The following PARP3 variants were observed in gnomAD, a reference collection of about 807,000 sequenced individuals.
PARP3 encodes poly(ADP-ribose) polymerase family member 3, also known as protein mono-ADP-ribosyltransferase PARP3.
PARP3 carries 46 observed loss-of-function variants against 58.2 expected under a neutral mutation model. That is an observed-to-expected ratio of 0.79 (90% confidence interval 0.62 to 1.01). The LOEUF is 1.01. Among genes scored for constraint, PARP3 ranks in the 50% least tolerant of loss-of-function variants. The probability of loss-of-function intolerance (pLI) is 0.00; values close to 1 mark genes in which losing one functional copy is unlikely to be tolerated. For synonymous variants in PARP3, 252 were observed against 266.4 expected, an observed-to-expected ratio of 0.95 and a Z score of 0.53; for missense variants, 663 against 683.9, an observed-to-expected ratio of 0.97 and a Z score of 0.34.
At position 51,947,780 on chromosome 3, in the gene PARP3, G is replaced by A; in HGVS notation, c.1317G>A (p.Met439Ile). 2 of 1,614,186 alleles carry A rather than the reference G, an allele frequency of 1.2e-6. No individual in the cohort carries two copies. Among genetic ancestry groups the A allele is most frequent in the Non-Finnish European group, 1.7e-6 (2 of 1,180,010 alleles). ...GTGGGGCCCACCATGTCGGCTACAT[G>A]TTCCTGGGTGAGGTGGCCCTGGGCA... Reference protein sequence around the residue: ...MKCGAHHVGYMFLGEVALGRE... With the variant: ...MKCGAHHVGYIFLGEVALGRE... The change falls in exon 10 of 11, where the codon ATG (methionine) becomes ATA (isoleucine). Residue 439 changes from methionine (M) to isoleucine (I), a missense_variant. This residue lies in a region of PARP3 where 8 missense variants were observed against 21.3 expected (regional missense o/e 0.38). Coordinates refer to ENST00000398755, the MANE Select transcript of PARP3 (RefSeq NM_001003931.4).
In PARP3 at chr3:51,943,457, G is replaced by C. The variant is rs1553715940; in HGVS notation, c.102G>C (p.Glu34Asp). The change falls in exon 2 of 11, where the codon GAG (glutamate) becomes GAC (aspartate). Residue 34 changes from glutamate (E) to aspartate (D), a missense_variant. Physicochemically the swap from Glu to Asp is conservative, Grantham distance 45 (BLOSUM62 2). Coordinates refer to ENST00000398755, the MANE Select transcript of PARP3 (RefSeq NM_001003931.4). ...REEDPFRSTA[E>D]ALKAIPAEKR... ...AGGACCCCTTCCGCTCCACCGCTGA[G>C]GCCCTCAAGGCCATACCCGCAGAGA... The C allele has an allele frequency of 2.5e-6, 4 of 1,609,666 alleles. No homozygotes were observed. In the Admixed American group the frequency reaches 6.7e-5, roughly 27 times the overall value.
At position 51,946,313 on chromosome 3, in the gene PARP3, G is replaced by T; in HGVS notation, c.1246G>T (p.Ala416Ser). The part of the protein sequence containing the change: ...GGRVGKGIYF[A>S]SENSKSAGYV... ...GCGTGTTGGCAAGGGCATCTACTTT[G>T]CCTCAGAGAACAGCAAGTCAGCTGG... The change falls in exon 9 of 11, where the codon GCC (alanine) becomes TCC (serine). Residue 416 changes from alanine to serine, a missense_variant. This residue lies in a region of PARP3 where 567 missense variants were observed against 553.6 expected (regional missense o/e 1.02). Coordinates refer to ENST00000398755, the MANE Select transcript of PARP3 (RefSeq NM_001003931.4). This position sits in a 1 kb window ranked among gnomAD's most constrained non-coding sequence, Gnocchi z 4.6. 2 of 1,611,712 alleles carry T rather than the reference G, an allele frequency of 1.2e-6. No individual in the cohort carries two copies. The highest frequency in any genetic ancestry group is 1.7e-6 in the Non-Finnish European group (2 of 1,178,726).
In PARP3 at chr3:51,946,411, C is replaced by T; in HGVS notation, c.1276+68C>T. 7.8e-7 allele frequency: 1 copy of T among 1,286,968 alleles called. No individual in the cohort carries two copies. Among genetic ancestry groups the T allele is most frequent in the Admixed American group, 2.3e-5 (1 of 42,838 alleles). The allele number at this position is 1,286,968 out of a possible 1,614,324, so 79.7% of individuals were successfully genotyped here. A position where few individuals can be genotyped will look rare whatever the true frequency, so the allele number is the denominator to read the frequency against. The stretch of plus-strand genomic sequence containing the variant: ...AAGATGGATTGGGCCCAGTCCTTGG[C>T]CACTGGAAATTCATGGTGAATCCAA... On this transcript the variant is annotated intron_variant, in intron 9 of 10. Transcript: ENST00000398755. This position sits in a 1 kb window ranked among gnomAD's most constrained non-coding sequence, Gnocchi z 4.6.
Position 51,946,101 on chromosome 3 carries a change from A to C in PARP3, c.1099-65A>C. 1.4e-6 allele frequency: 2 copies of C among 1,469,444 alleles called. No homozygotes were observed. The highest frequency in any genetic ancestry group is 2.5e-5 in the South Asian group (2 of 80,214). The allele number at this position is 1,469,444 out of a possible 1,614,324, so 91.0% of individuals were successfully genotyped here. A position where few individuals can be genotyped will look rare whatever the true frequency, so the allele number is the denominator to read the frequency against. On this transcript the variant is annotated intron_variant, in intron 8 of 10. Transcript: ENST00000398755. This position sits in a 1 kb window ranked among gnomAD's most constrained non-coding sequence, Gnocchi z 4.6. Reference sequence around the variant, plus strand: ...GGGACACTAGGCCTTGGTCACAAGCAGCAGGGCAAGGCGACTGAGTGCTCG... The same window carrying C: ...GGGACACTAGGCCTTGGTCACAAGCCGCAGGGCAAGGCGACTGAGTGCTCG...
In PARP3 at chr3:51,942,853, T is replaced by C. The variant is rs1022006961; in HGVS notation, c.-3+145T>C. On this transcript the variant is annotated intron_variant, in intron 1 of 10. Transcript: ENST00000398755. ...CCATTGGGAAGGGCTTCTACAGCTCTGGGTTCTAAGCTCCGGGAGGATAAT... is the reference window on the plus strand; with the variant it reads ...CCATTGGGAAGGGCTTCTACAGCTCCGGGTTCTAAGCTCCGGGAGGATAAT... 9 of 1,450,208 alleles carry C rather than the reference T, an allele frequency of 6.2e-6. No homozygotes were observed. In the African/African-American group the frequency reaches 1.1e-4, roughly 19 times the overall value. The allele number at this position is 1,450,208 out of a possible 1,614,324, so 89.8% of individuals were successfully genotyped here.
In PARP3 at chr3:51,945,058, C is replaced by T. The variant is rs1490568612; in HGVS notation, c.695C>T (p.Ala232Val). 1 of 1,613,096 alleles carries T rather than the reference C, an allele frequency of 6.2e-7. No individual in the cohort carries two copies. The highest frequency in any genetic ancestry group is 1.7e-5 in the Admixed American group (1 of 60,024). ...SKQQIARGFEALEALEEALKG... is the reference protein window; with the variant it reads ...SKQQIARGFEVLEALEEALKG... Reference sequence around the variant, plus strand: ...CAACAGATTGCACGGGGTTTCGAGGCCTTGGAGGCGCTGGAGGAGGCCCTG... The same window carrying T: ...CAACAGATTGCACGGGGTTTCGAGGTCTTGGAGGCGCTGGAGGAGGCCCTG... Residue 232 changes from alanine (A) to valine (V), a missense_variant, in exon 6 of 11, where the codon GCC becomes GTC. Transcript: ENST00000398755.
chr3:51,947,565 C>A, intron 9 of PARP3, 175 bp from the exon 10 acceptor site: 1 of 658,412 alleles, frequency 1.5e-6, no homozygotes, highest in Non-Finnish European at 2.6e-6. Context: ...ATAGGGAGCA[C>A]AGTGAGGTGG....
At chr3:51,948,182 G>A (rs1699724887) in intron 10 of PARP3, 129 bp from the exon 11 acceptor site, 1 of 982,656 alleles carries the variant, frequency 1.0e-6, no homozygotes, top group Non-Finnish European at 1.5e-6. Context: ...CAGTGGTTTG[G>A]AGGTGGGCAA....
Position 51,944,743 on chromosome 3 carries a change from C to G in PARP3, c.502-35C>G. ...CTCTGTCTGGTGTCACGCCCTGCCC[C>G]GCTGCTCCTGCCCACATGTGCCCTC... On this transcript the variant is annotated intron_variant, in intron 4 of 10. Transcript: ENST00000398755. The surrounding 1 kb of genome is among the most constrained non-coding windows in gnomAD (Gnocchi z 4.2). 1 of 1,588,806 alleles carries G rather than the reference C, an allele frequency of 6.3e-7. No individual in the cohort carries two copies. The highest frequency in any genetic ancestry group is 2.3e-5 in the East Asian group (1 of 43,800).
rs1215682801 is a variant in PARP3, at chr3:51,946,664, C to T, written c.1276+321C>T. Among the ~76,000 whole-genome samples, 5 of 152,152 alleles carry T rather than the reference C, an allele frequency of 3.3e-5. No homozygotes were observed. The highest frequency in any genetic ancestry group is 7.3e-5 in the Non-Finnish European group (5 of 68,032). On this transcript the variant is annotated intron_variant, in intron 9 of 10. Coordinates refer to ENST00000398755, the MANE Select transcript of PARP3 (RefSeq NM_001003931.4). The surrounding 1 kb of genome is among the most constrained non-coding windows in gnomAD (Gnocchi z 4.6). ...GTTCCATCTACTCTGGAGGCTGAGG[C>T]AGGAGGAACGCTTGAGCCCACAAGT...
rs757453925 is a variant in PARP3 at position 51,943,530 on chromosome 3, G to A, written c.175G>A (p.Gly59Arg). The A allele has an allele frequency of 6.8e-6, 11 of 1,608,736 alleles. No individual in the cohort carries two copies. Among genetic ancestry groups the A allele is most frequent in the South Asian group, 2.2e-5 (2 of 90,160 alleles). ...DPTCPLSSNP[G>R]TQVYEDYNCT... ...AACATGTCCACTCAGCAGCAACCCC[G>A]GGACCCAGGTGAGCTGCAGTCCCCA... Residue 59 changes from glycine to arginine, a missense_variant, in exon 2 of 11, where the codon GGG (glycine) becomes AGG (arginine). Gly to Arg is a moderately radical substitution (Grantham distance 125). Coordinates refer to ENST00000398755, the MANE Select transcript of PARP3 (RefSeq NM_001003931.4).
chr3:51,944,264 G>A lies in PARP3; in HGVS notation c.312+47G>A. 3.1e-6 allele frequency: 5 copies of A among 1,612,382 alleles called. No homozygotes were observed. Among genetic ancestry groups the A allele is most frequent in the Non-Finnish European group, 4.2e-6 (5 of 1,179,066 alleles). ...CACATACTCCCCAGGGTCCTCAAAA[G>A]GCCACAGCTACTGACTTGGGGGGGC... On this transcript the variant is annotated intron_variant, in intron 3 of 10. Coordinates refer to ENST00000398755, the MANE Select transcript of PARP3 (RefSeq NM_001003931.4). The surrounding 1 kb of genome is among the most constrained non-coding windows in gnomAD (Gnocchi z 4.2).
Position 51,946,951 on chromosome 3 carries a change from C to A in PARP3, c.1276+608C>A, listed in dbSNP as rs1334571827. Among the ~76,000 whole-genome samples, 2 of 152,190 alleles carry A rather than the reference C, an allele frequency of 1.3e-5. No homozygotes were observed. Among genetic ancestry groups the A allele is most frequent in the Non-Finnish European group, 2.9e-5 (2 of 68,046 alleles). ...ATCCAGAGAGTGATGGTTAGCCCAG[C>A]TGGACTTGTCTGTAGCAGGATCCCA... On this transcript the variant is annotated intron_variant, in intron 9 of 10. Coordinates refer to ENST00000398755, the MANE Select transcript of PARP3 (RefSeq NM_001003931.4). The surrounding 1 kb of genome is among the most constrained non-coding windows in gnomAD (Gnocchi z 4.6).
chr3:51,945,932 A>G lies in PARP3; in HGVS notation c.1091A>G (p.Glu364Gly), dbSNP rs1179854368. ...CAACACATCTGGAAAGTAAACCAAGAAGGGGAGGTGAGGGAGGTTCCCCCA... is the reference window on the plus strand; with the variant it reads ...CAACACATCTGGAAAGTAAACCAAGGAGGGGAGGTGAGGGAGGTTCCCCCA... ...TLQHIWKVNQ[E>G]GEEDRFQAHS... Residue 364 changes from glutamate to glycine, a missense_variant, in exon 8 of 11, where the codon GAA (glutamate) becomes GGA (glycine). Physicochemically the swap from Glu to Gly is moderately conservative, Grantham distance 98. Around this residue, in one of 3 missense-constraint regions of PARP3, gnomAD observed 567 missense variants for 553.6 expected, o/e 1.02. Coordinates refer to ENST00000398755, the MANE Select transcript of PARP3 (RefSeq NM_001003931.4). The G allele has an allele frequency of 6.2e-7, 1 of 1,613,656 alleles. No homozygotes were observed. Among genetic ancestry groups the G allele is most frequent in the Non-Finnish European group, 8.5e-7 (1 of 1,179,692 alleles).
chr3:51,944,631 T>G lies in PARP3; in HGVS notation c.501+53T>G. The G allele has an allele frequency of 6.3e-7, 1 of 1,592,282 alleles. No homozygotes were observed. Among genetic ancestry groups the G allele is most frequent in the Non-Finnish European group, 8.6e-7 (1 of 1,163,986 alleles). On this transcript the variant is annotated intron_variant, in intron 4 of 10. Transcript: ENST00000398755. This position sits in a 1 kb window ranked among gnomAD's most constrained non-coding sequence, Gnocchi z 4.2. The stretch of plus-strand genomic sequence containing the variant: ...CCCTGGACTGAGGGAGGGGACTCGT[T>G]GGAGAGTTCCCGCTGGTTGGGCTCT...
At chr3:51,943,066 G>A (rs1011815740) in intron 1 of PARP3, 10 of 1,370,684 alleles carry the variant, frequency 7.3e-6, no homozygotes, top group Middle Eastern at 5.4e-4. Context: ...AGAGGGTAGG[G>A]AGCCAGGCAG....
In PARP3 at chr3:51,944,727, GT is replaced by G. The variant is rs775559759; in HGVS notation, c.502-50del. 8 of 1,580,146 alleles carry G rather than the reference GT, an allele frequency of 5.1e-6. No homozygotes were observed. The African/African-American group carries it at 9.4e-5, about 19-fold the overall frequency. ...CCTCAGGCTGGCTGGTCTCTGTCTG[GT>G]GTCACGCCCTGCCCCGCTGCTCCTG... On this transcript the variant is annotated intron_variant, in intron 4 of 10. Coordinates refer to ENST00000398755, the MANE Select transcript of PARP3 (RefSeq NM_001003931.4). The surrounding 1 kb of genome is among the most constrained non-coding windows in gnomAD (Gnocchi z 4.2).
Position 51,944,537 on chromosome 3 carries a change from G to A in PARP3, c.460G>A (p.Glu154Lys), listed in dbSNP as rs556975187. 112 of 1,614,206 alleles carry A rather than the reference G, an allele frequency of 6.9e-5. 1 individual carries two copies. In the South Asian group the frequency reaches 1.1e-3, roughly 15 times the overall value. ...VSHPGKYTLI[E>K]VQAEDEAQEA... ...TCACCCGGGCAAGTACACACTTATC[G>A]AAGTACAGGCAGAGGATGAGGCCCA... is the stretch of plus-strand genomic sequence containing the variant. The change falls in exon 4 of 11, where the codon GAA becomes AAA. Residue 154 changes from glutamate (E) to lysine (K), a missense_variant. Physicochemically the swap from Glu to Lys is moderately conservative, Grantham distance 56. Coordinates refer to ENST00000398755, the MANE Select transcript of PARP3 (RefSeq NM_001003931.4). The surrounding 1 kb of genome is among the most constrained non-coding windows in gnomAD (Gnocchi z 4.2).
At chr3:51,947,224 C>G (rs1577660797) in intron 9 of PARP3, among the ~76,000 whole-genome samples, 2 of 152,178 alleles carry the variant, frequency 1.3e-5, no homozygotes, top group African/African-American at 2.4e-5. Context: ...AGCTCCTCCA[C>G]CCAGGCTGTC....
Sources: allele counts gnomAD v4.1 joint callset (sites outside exome capture counted in the v4.1 genomes callset), GRCh38; gene constraint gnomAD v4.1.1; regional missense constraint gnomAD v4.1.1; non-coding constraint Gnocchi (gnomAD v3.1); transcripts MANE v1.5; gene names NCBI Gene and HGNC (gene_info 2026-07-23, HGNC 2026-07-21).